CNTLN: variants seen among roughly 807,000 people sequenced by gnomAD.
CNTLN encodes centlein, centrosomal protein.
A neutral mutation model predicts 180.0 loss-of-function variants in CNTLN; 212 were observed. The observed-to-expected ratio is 1.18, with a 90% confidence interval of 1.05 to 1.32. The LOEUF (loss-of-function observed/expected upper bound fraction) is 1.32, where lower values mean the gene tolerates loss of function less well. Among genes scored for constraint, CNTLN ranks in the 40% most tolerant of loss-of-function variants. The probability of loss-of-function intolerance (pLI) is 0.00; values close to 1 mark genes in which losing one functional copy is unlikely to be tolerated. For missense variants in CNTLN, 2,095 were observed against 1,610.9 expected (o/e 1.30, Z -5.14); for synonymous variants, 722 against 563.1 (o/e 1.28, Z -3.99).
chr9:17,466,165 G>A (rs1311475081), intron 22 of CNTLN, 47 bp downstream of exon 22: 52 of 1,514,252 alleles, frequency 3.4e-5, no homozygotes, highest in Admixed American at 1.9e-4. Context: ...GAATATAATC[G>A]TGTTTGTTTC....
chr9:17,328,537 T>TA (rs1352454254), intron 8 of CNTLN, among the ~76,000 whole-genome samples: 1 of 152,104 alleles, frequency 6.6e-6, no homozygotes, highest in Non-Finnish European at 1.5e-5. Context: ...ATTTAATACT[T>TA]AAAAAAATGG....
chr9:17,452,734 C>T (rs562062890), intron 18 of CNTLN, among the ~76,000 whole-genome samples: 23 of 152,132 alleles, frequency 1.5e-4, no homozygotes, highest in African/African-American at 5.1e-4. Flanking sequence ...CTAGGTACTG[C>T]ATATCTAAAT....
At chr9:17,299,624 A>G (rs1209689238) in intron 7 of CNTLN, 2 of 985,066 alleles carry the variant, frequency 2.0e-6, no homozygotes, top group Non-Finnish European at 2.4e-6. Context: ...AGGAAGATAC[A>G]GTCTTCCACT....
chr9:17,168,638 TTTA>T (rs1365195061), intron 2 of CNTLN: 2 of 152,200 alleles, frequency 1.3e-5, no homozygotes, highest in African/African-American at 4.8e-5. Flanking sequence ...TTTTAGGCTA[TTTA>T]TTATTTTGAA....
chr9:17,198,844 G>A (rs1439830626), intron 2 of CNTLN, among the ~76,000 whole-genome samples: 1 of 152,014 alleles, frequency 6.6e-6, no homozygotes, highest in Non-Finnish European at 1.5e-5. Context: ...CCATGTCCCT[G>A]CAAAGGACAT....
intron 5 of CNTLN, among the ~76,000 whole-genome samples, chr9:17,270,309 T>G (rs1393429999): frequency 1.3e-5 from 2 of 152,166 alleles, no homozygotes; most frequent in African/African-American, 4.8e-5. Flanking sequence ...GTTGTTAGTT[T>G]TTGTTTTTAA....
intron 23 of CNTLN, among the ~76,000 whole-genome samples, chr9:17,475,032 C>G (rs1832255558): frequency 6.6e-6 from 1 of 152,172 alleles, no homozygotes; most frequent in African/African-American, 2.4e-5. Context: ...TTTTACCTCA[C>G]TATTCCACTT....
In CNTLN at chr9:17,388,168, T is replaced by C; in HGVS notation, c.1994T>C (p.Leu665Pro). ...ATTATTTATTCTCTACCAGAACAGC[T>C]CTTTAGATCTGGTGAAGATGATGAG... Reference protein sequence around the residue: ...RCVAERREEQLFRSGEDDEVK... With the variant: ...RCVAERREEQPFRSGEDDEVK... Residue 665 changes from leucine (L) to proline (P), a missense_variant, in exon 14 of 26, where the codon CTC becomes CCC. By Grantham distance (98) the Leu-to-Pro change is moderately conservative. Transcript: ENST00000380647. 3.1e-6 allele frequency: 5 copies of C among 1,604,016 alleles called. No individual in the cohort carries two copies. The South Asian group carries it at 5.5e-5, about 18-fold the overall frequency.
chr9:17,338,337 G>GTTTTGTTTTTTTT (rs1821206719), intron 10 of CNTLN, among the ~76,000 whole-genome samples: 1 of 100,436 alleles, frequency 1.0e-5, no homozygotes, highest in Admixed American at 1.4e-4. Context: ...GCTAATTTTT[G>GTTTTGTTTTTTTT]TTTTTTTTTT....
intron 18 of CNTLN, among the ~76,000 whole-genome samples, chr9:17,456,841 G>A (rs12000906): frequency 6.6e-6 from 1 of 151,980 alleles, no homozygotes; most frequent in East Asian, 1.9e-4. Context: ...GTTAAGATGG[G>A]TTTCTTTTAT....
At chr9:17,282,731 T>A (rs1828740738) in intron 6 of CNTLN, among the ~76,000 whole-genome samples, 1 of 152,188 alleles carries the variant, frequency 6.6e-6, no homozygotes, top group African/African-American at 2.4e-5. Flanking sequence ...TTACATTTAA[T>A]GAGTCTTTAA....
chr9:17,299,524 A>T (rs770045196), intron 7 of CNTLN: 25 of 985,224 alleles, frequency 2.5e-5, no homozygotes, highest in Non-Finnish European at 2.8e-5. Flanking sequence ...ACTTAAACAC[A>T]TATTTTTAAA....
rs571298230 is a variant in CNTLN at position 17,209,541 on chromosome 9, G to C, written c.450-16662G>C. Among the ~76,000 whole-genome samples the C allele has an allele frequency of 6.6e-5, 10 of 152,226 alleles. No homozygotes were observed. The South Asian group carries it at 2.1e-3, about 32-fold the overall frequency. ...GATGTTGAAGCCTCCAGCTATTCTTGTACTTGGGCCTTGCTTTTTAGCTCT... is the reference window on the plus strand; with the variant it reads ...GATGTTGAAGCCTCCAGCTATTCTTCTACTTGGGCCTTGCTTTTTAGCTCT... On this transcript the variant is annotated intron_variant, in intron 2 of 25. Transcript: ENST00000380647.
At position 17,195,942 on chromosome 9, in the gene CNTLN, T is replaced by C. The variant is rs182379414; in HGVS notation, c.450-30261T>C. On this transcript the variant is annotated intron_variant, in intron 2 of 25. Coordinates refer to ENST00000380647, the MANE Select transcript of CNTLN (RefSeq NM_017738.4). ...TTGGTGATCTACATAAGATTAAATT[T>C]TATTATAAGGAATTTTGAAAATGAT... is the stretch of plus-strand genomic sequence containing the variant. Among the ~76,000 whole-genome samples, 364 of 152,310 alleles carry C rather than the reference T, an allele frequency of 2.4e-3. 1 individual carries two copies. The highest frequency in any genetic ancestry group is 8.1e-3 in the African/African-American group (338 of 41,570).
At chr9:17,191,221 C>A (rs917612077) in intron 2 of CNTLN, among the ~76,000 whole-genome samples, 1 of 152,140 alleles carries the variant, frequency 6.6e-6, no homozygotes, top group Non-Finnish European at 1.5e-5. Context: ...ACACTGCCAC[C>A]CTCATTTCCT....
intron 13 of CNTLN, among the ~76,000 whole-genome samples, chr9:17,373,937 C>T (rs918474743): frequency 3.3e-5 from 5 of 152,156 alleles, no homozygotes; most frequent in Non-Finnish European, 5.9e-5. Context: ...AACTAGTCCC[C>T]TATGTCTTGC....
At chr9:17,185,172 T>G (rs1192394985) in intron 2 of CNTLN, among the ~76,000 whole-genome samples, 2 of 152,230 alleles carry the variant, frequency 1.3e-5, no homozygotes, top group African/African-American at 2.4e-5. Flanking sequence ...TGGTAAAACA[T>G]TCAAACACAT....
intron 2 of CNTLN, among the ~76,000 whole-genome samples, chr9:17,157,070 T>C (rs1819347355): frequency 6.6e-6 from 1 of 152,082 alleles, no homozygotes; most frequent in Non-Finnish European, 1.5e-5. Flanking sequence ...CGATAGAAAA[T>C]AAAGAACGGA....
Position 17,135,297 on chromosome 9 carries a change from C to G in CNTLN, c.232C>G (p.Pro78Ala). 6.2e-7 allele frequency: 1 copy of G among 1,601,082 alleles called. No homozygotes were observed. The highest frequency in any genetic ancestry group is 8.5e-7 in the Non-Finnish European group (1 of 1,174,658). Reference sequence around the variant, plus strand: ...TGGGGGGGCAGCTCCGGCTCATGCTCCCCTCCTCAGCGCGCCCATGGGGTC... The same window carrying G: ...TGGGGGGGCAGCTCCGGCTCATGCTGCCCTCCTCAGCGCGCCCATGGGGTC... ...GPGGAAPAHA[P>A]LLSAPMGSRR... Residue 78 changes from proline to alanine, a missense_variant, in exon 1 of 26, where the codon CCC becomes GCC. By Grantham distance (27) the Pro-to-Ala change is conservative (BLOSUM62 -1). Transcript: ENST00000380647.
Sources: allele counts gnomAD v4.1 joint callset (sites outside exome capture counted in the v4.1 genomes callset), GRCh38; gene constraint gnomAD v4.1.1; transcripts MANE v1.5; gene names NCBI Gene and HGNC (gene_info 2026-07-23, HGNC 2026-07-21).